PTPRD: variants seen among roughly 807,000 people sequenced by gnomAD.
PTPRD encodes the protein receptor-type tyrosine-protein phosphatase delta.
PTPRD carries 34 observed loss-of-function variants against 214.5 expected under a neutral mutation model. The observed-to-expected ratio is 0.16, with a 90% CI of 0.12 to 0.21. The LOEUF (loss-of-function observed/expected upper bound fraction) is 0.21. Among genes scored for constraint, PTPRD ranks in the 10% least tolerant of loss-of-function variants. The pLI, the probability that PTPRD is intolerant of heterozygous loss-of-function variation, is 1.00. For synonymous variants in PTPRD, 1,128 were observed against 845.7 expected, an observed-to-expected ratio of 1.33 and a Z score of -5.79; for missense variants, 2,545 against 2,398.7, an observed-to-expected ratio of 1.06 and a Z score of -1.27.
intron 10 of PTPRD, among the ~76,000 whole-genome samples, chr9:9,081,048 G>C (rs765599511): frequency 6.6e-6 from 1 of 151,884 alleles, no homozygotes; most frequent in South Asian, 2.1e-4. Context: ...TTTTGAATTT[G>C]TTTGCTCTTG....
At chr9:8,980,017 C>T (rs2099300977) in intron 11 of PTPRD, among the ~76,000 whole-genome samples, 1 of 152,008 alleles carries the variant, frequency 6.6e-6, no homozygotes, top group South Asian at 2.1e-4. Flanking sequence ...TACACACACA[C>T]ACACATACAC....
chr9:9,820,479 T>A (rs1330991294), intron 5 of PTPRD, among the ~76,000 whole-genome samples: 2 of 152,164 alleles, frequency 1.3e-5, no homozygotes, highest in Non-Finnish European at 2.9e-5. Flanking sequence ...CAGAAGCTCT[T>A]TAGTTTAATT....
intron 11 of PTPRD, among the ~76,000 whole-genome samples, chr9:8,811,890 C>T (rs936459950): frequency 6.6e-6 from 1 of 152,166 alleles, no homozygotes; most frequent in Admixed American, 6.5e-5. Context: ...CATTTCCCAT[C>T]TGAAAGACAT....
intron 34 of PTPRD, among the ~76,000 whole-genome samples, chr9:8,441,514 G>A (rs1353494318): frequency 6.6e-6 from 1 of 151,720 alleles, no homozygotes; most frequent in Non-Finnish European, 1.5e-5. Flanking sequence ...AAGCTCTTTT[G>A]CAGACCACAT....
intron 8 of PTPRD, among the ~76,000 whole-genome samples, chr9:9,439,614 A>T (rs1484202902): frequency 6.6e-6 from 1 of 152,174 alleles, no homozygotes; most frequent in Non-Finnish European, 1.5e-5. Context: ...ATTCCATTAA[A>T]AGCCAAGAAA....
At chr9:8,705,160 T>C (rs2098177714) in intron 12 of PTPRD, among the ~76,000 whole-genome samples, 1 of 152,196 alleles carries the variant, frequency 6.6e-6, no homozygotes, top group Admixed American at 6.5e-5. Context: ...TGTGTAATTC[T>C]CACAAGAAAA....
At chr9:9,032,839 A>C (rs1262423087) in intron 10 of PTPRD, among the ~76,000 whole-genome samples, 1 of 152,104 alleles carries the variant, frequency 6.6e-6, no homozygotes, top group African/African-American at 2.4e-5. Context: ...AGATACTGAG[A>C]CAATATCTAT....
At chr9:8,330,657 C>CTAAGA (rs1042605662) in intron 44 of PTPRD, among the ~76,000 whole-genome samples, 1 of 151,916 alleles carries the variant, frequency 6.6e-6, no homozygotes, top group Non-Finnish European at 1.5e-5. Context: ...TAAACCTCAG[C>CTAAGA]TAAGATAACT....
At chr9:9,609,815 T>C (rs1369117970) in intron 7 of PTPRD, among the ~76,000 whole-genome samples, 1 of 152,156 alleles carries the variant, frequency 6.6e-6, no homozygotes, top group Admixed American at 6.6e-5. Flanking sequence ...CCAAATCCTG[T>C]TAGGCTGGTG....
chr9:10,213,365 T>A (rs750191039), intron 3 of PTPRD, among the ~76,000 whole-genome samples: 2 of 152,066 alleles, frequency 1.3e-5, no homozygotes, highest in African/African-American at 2.4e-5. Flanking sequence ...AAGCAAACTT[T>A]GTGTACAAGT....
intron 7 of PTPRD, among the ~76,000 whole-genome samples, chr9:9,648,870 C>A (rs985912454): frequency 2.6e-5 from 4 of 151,986 alleles, no homozygotes; most frequent in African/African-American, 9.7e-5. Context: ...AAATGAAATC[C>A]CTCAGGGAAG....
At chr9:8,971,335 T>TA (rs1397133259) in intron 11 of PTPRD, among the ~76,000 whole-genome samples, 1 of 151,386 alleles carries the variant, frequency 6.6e-6, no homozygotes, top group Non-Finnish European at 1.5e-5. Context: ...AATGAGAAAT[T>TA]AAAAAAAACC....
intron 2 of PTPRD, among the ~76,000 whole-genome samples, chr9:10,407,325 C>A (rs910317822): frequency 9.2e-5 from 14 of 151,394 alleles, no homozygotes; most frequent in Admixed American, 4.0e-4. Flanking sequence ...ATAAGAAATG[C>A]CACTCAAGAC....
chr9:9,547,790 A>G (rs1382111583), intron 8 of PTPRD, among the ~76,000 whole-genome samples: 1 of 143,976 alleles, frequency 6.9e-6, no homozygotes, highest in Admixed American at 6.9e-5. Flanking sequence ...TCAAATAAAC[A>G]CAAATTCACA....
intron 7 of PTPRD, among the ~76,000 whole-genome samples, chr9:9,722,294 T>C (rs1464325283): frequency 2.6e-5 from 4 of 152,078 alleles, no homozygotes; most frequent in African/African-American, 4.8e-5. Context: ...CTATTCTGGA[T>C]AATTCAGGTA....
rs960148841 is a variant in PTPRD, at chr9:9,757,446, G to T, written c.-326+9364C>A. Among the ~76,000 whole-genome samples the T allele has an allele frequency of 2.0e-5, 3 of 152,072 alleles. No individual in the cohort carries two copies. In the South Asian group the frequency reaches 6.2e-4, roughly 32 times the overall value. On this transcript the variant is annotated intron_variant, in intron 6 of 45. Coordinates refer to ENST00000381196, the MANE Select transcript of PTPRD (RefSeq NM_002839.4). ...TTTTATGAATTTGAAAAAACAAATG[G>T]ATGTTTAATGTAAATTTTCAGTATC...
intron 11 of PTPRD, among the ~76,000 whole-genome samples, chr9:8,817,224 G>A (rs1600742698): frequency 6.6e-6 from 1 of 152,176 alleles, no homozygotes. Flanking sequence ...CAACAGCTAT[G>A]AGCAAGAGCT....
chr9:10,046,422 T>C (rs1048986892), intron 3 of PTPRD, among the ~76,000 whole-genome samples: 1 of 151,818 alleles, frequency 6.6e-6, no homozygotes, highest in Non-Finnish European at 1.5e-5. Flanking sequence ...TTTAGAAAAA[T>C]ATGGACGTTT....
chr9:8,417,450 C>A (rs2094022977), intron 35 of PTPRD, among the ~76,000 whole-genome samples: 3 of 152,008 alleles, frequency 2.0e-5, no homozygotes, highest in African/African-American at 4.8e-5. Context: ...GGTGAGAGAC[C>A]AATAACTCAT....
Sources: gnomAD v4.1 joint callset for allele counts (sites outside exome capture counted in the v4.1 genomes callset) on GRCh38, gnomAD v4.1.1 for gene constraint, MANE v1.5 for transcripts, NCBI Gene and HGNC (gene_info 2026-07-23, HGNC 2026-07-21) for gene names.